The following KIF6 variants were observed in gnomAD, a reference collection of about 807,000 sequenced individuals.
The protein encoded by KIF6 is kinesin family member 6.
KIF6 carries 106 observed loss-of-function variants against 112.7 expected under a neutral mutation model. That is an observed-to-expected ratio of 0.94 (90% CI 0.80 to 1.11). The LOEUF is 1.11. Ranked by LOEUF, KIF6 falls within the 50% of genes least tolerant of loss-of-function variation. KIF6 has a pLI of 0.00. For synonymous variants in KIF6, 339 were observed against 339.9 expected, an observed-to-expected ratio of 1.00 and a Z score of 0.03; for missense variants, 929 against 964.0, an observed-to-expected ratio of 0.96 and a Z score of 0.48.
chr6:39,408,048 C>T (rs894169585), intron 15 of KIF6, among the ~76,000 whole-genome samples: 1 of 152,124 alleles, frequency 6.6e-6, no homozygotes, highest in Admixed American at 6.6e-5. Flanking sequence ...ATCCAGAGGA[C>T]ACAAAGAGCT....
intron 3 of KIF6, among the ~76,000 whole-genome samples, chr6:39,669,825 G>A (rs2150828408): frequency 6.6e-6 from 1 of 152,340 alleles, no homozygotes; most frequent in Middle Eastern, 3.4e-3. Context: ...GGCTGAGCTG[G>A]CTCCTGAATA....
intron 10 of KIF6, among the ~76,000 whole-genome samples, chr6:39,551,691 A>C (rs1418408155): frequency 6.6e-6 from 1 of 152,194 alleles, no homozygotes; most frequent in Non-Finnish European, 1.5e-5. Context: ...ATAATTATTA[A>C]CTTAAAGGAA....
chr6:39,653,217 C>T (rs988197687), intron 3 of KIF6, among the ~76,000 whole-genome samples: 4 of 151,998 alleles, frequency 2.6e-5, no homozygotes, highest in African/African-American at 9.7e-5. Context: ...CTCTGGAGTA[C>T]CTTGATTTTC....
intron 13 of KIF6, among the ~76,000 whole-genome samples, chr6:39,493,207 T>A (rs536597288): frequency 6.6e-6 from 1 of 152,352 alleles, no homozygotes; most frequent in South Asian, 2.1e-4. Flanking sequence ...TCATGCATGA[T>A]AAACCATGTA....
chr6:39,658,108 C>T (rs2446646), intron 3 of KIF6, among the ~76,000 whole-genome samples: 17,259 of 152,098 alleles, frequency 0.11, 1,534 homozygotes, highest in African/African-American at 0.25. Flanking sequence ...TGTAACTTAC[C>T]CATTTTATGT....
At chr6:39,525,801 CTAAATAGA>C (rs1275096346) in intron 13 of KIF6, among the ~76,000 whole-genome samples, 4 of 145,386 alleles carry the variant, frequency 2.8e-5, no homozygotes, top group South Asian at 4.5e-4. Context: ...CAATAACTAA[CTAAATAGA>C]TAAATAAATA....
intron 10 of KIF6, among the ~76,000 whole-genome samples, chr6:39,569,781 G>A (rs1044553752): frequency 1.2e-4 from 19 of 152,206 alleles, no homozygotes; most frequent in Admixed American, 4.6e-4. Context: ...AGCAAAGAGC[G>A]TGTGTGTCTG....
chr6:39,455,677 G>A (rs1163521812), intron 13 of KIF6, among the ~76,000 whole-genome samples: 5 of 150,078 alleles, frequency 3.3e-5, no homozygotes, highest in Non-Finnish European at 7.4e-5. Context: ...GTGCTTAAAG[G>A]AGCTGATGGA....
intron 10 of KIF6, among the ~76,000 whole-genome samples, chr6:39,550,578 G>T (rs1779317890): frequency 6.6e-6 from 1 of 152,176 alleles, no homozygotes; most frequent in Non-Finnish European, 1.5e-5. Flanking sequence ...CAGTTGGTGG[G>T]GCAGAGCTTC....
intron 5 of KIF6, among the ~76,000 whole-genome samples, chr6:39,625,265 T>A (rs933376420): frequency 6.6e-6 from 1 of 152,186 alleles, no homozygotes; most frequent in Admixed American, 6.6e-5. Context: ...TTTCTGATAC[T>A]GAGAACAATC....
intron 3 of KIF6, among the ~76,000 whole-genome samples, chr6:39,659,255 T>C (rs1465315488): frequency 5.3e-5 from 8 of 152,214 alleles, no homozygotes; most frequent in Non-Finnish European, 1.0e-4. Flanking sequence ...GAAGAGTATC[T>C]GGGCCAAGAA....
intron 16 of KIF6, among the ~76,000 whole-genome samples, chr6:39,368,184 C>T (rs72860021): frequency 0.061 from 9,274 of 152,270 alleles, 529 homozygotes; most frequent in East Asian, 0.2. Flanking sequence ...ACCAGGAAAG[C>T]ACACTCTCTG....
intron 9 of KIF6, among the ~76,000 whole-genome samples, chr6:39,579,523 C>T (rs983450164): frequency 1.3e-5 from 2 of 152,026 alleles, no homozygotes; most frequent in Non-Finnish European, 2.9e-5. Context: ...CAATCTCTGT[C>T]ATGTTTTTCA....
intron 13 of KIF6, among the ~76,000 whole-genome samples, chr6:39,490,478 T>G (rs1003048673): frequency 6.6e-6 from 1 of 152,168 alleles, no homozygotes; most frequent in Non-Finnish European, 1.5e-5. Context: ...AAATGAGGTG[T>G]GTATCTTTGT....
At position 39,374,447 on chromosome 6, in the gene KIF6, G is replaced by A. The variant is rs778278174; in HGVS notation, c.1861+11175C>T. On this transcript the variant is annotated intron_variant, in intron 16 of 22. Transcript: ENST00000287152. ...CAACAGACTAAAGAGATAACCCAGA[G>A]TGGAAAAAAATATTGGCAAACCATA... Among the ~76,000 whole-genome samples the A allele has an allele frequency of 2.0e-5, 3 of 152,182 alleles. No individual in the cohort carries two copies. The South Asian group carries it at 6.2e-4, about 32-fold the overall frequency.
intron 18 of KIF6, among the ~76,000 whole-genome samples, chr6:39,359,771 T>C (rs1376372738): frequency 3.9e-5 from 6 of 152,052 alleles, no homozygotes; most frequent in Admixed American, 2.0e-4. Flanking sequence ...TATTTTTATG[T>C]TCATTTTGGT....
intron 18 of KIF6, among the ~76,000 whole-genome samples, chr6:39,358,677 G>C (rs985106978): frequency 6.6e-6 from 1 of 152,236 alleles, no homozygotes; most frequent in Non-Finnish European, 1.5e-5. Flanking sequence ...GGAGTCCACA[G>C]ACAGAATCCA....
chr6:39,632,515 T>G (rs2150754312), intron 5 of KIF6, among the ~76,000 whole-genome samples: 1 of 152,124 alleles, frequency 6.6e-6, no homozygotes, highest in African/African-American at 2.4e-5. Context: ...AGCTAGAATT[T>G]CAGAGTTATA....
intron 14 of KIF6, among the ~76,000 whole-genome samples, chr6:39,422,692 C>T (rs549079919): frequency 6.6e-6 from 1 of 152,256 alleles, no homozygotes; most frequent in Non-Finnish European, 1.5e-5. Context: ...GAGGGTGACC[C>T]CATCAGTGCT....
Sources: gnomAD v4.1 joint callset for allele counts (sites outside exome capture counted in the v4.1 genomes callset) on GRCh38, gnomAD v4.1.1 for gene constraint, MANE v1.5 for transcripts, NCBI Gene and HGNC (gene_info 2026-07-23, HGNC 2026-07-21) for gene names.